OSBPL8: variants seen among roughly 807,000 people sequenced by gnomAD.
The protein encoded by OSBPL8 is oxysterol-binding protein-related protein 8.
OSBPL8 carries 59 observed loss-of-function variants against 125.5 expected under a neutral mutation model. That is an observed-to-expected ratio of 0.47 (90% CI 0.38 to 0.58). The LOEUF is 0.58. OSBPL8 is among the 20% of genes least tolerant of loss of function. OSBPL8 has a pLI of 0.00. For synonymous variants in OSBPL8, 330 were observed against 338.9 expected (o/e 0.97, Z 0.29); for missense variants, 758 against 1,047.8 (o/e 0.72, Z 3.82).
intron 1 of OSBPL8, among the ~76,000 whole-genome samples, chr12:76,551,036 G>A (rs1264014268): frequency 1.3e-5 from 2 of 152,018 alleles, no homozygotes; most frequent in African/African-American, 4.8e-5. Flanking sequence ...CAGGAGACAG[G>A]AGGAGACTCT....
intron 16 of OSBPL8, among the ~76,000 whole-genome samples, chr12:76,376,586 C>T (rs1952827043): frequency 6.6e-6 from 1 of 152,146 alleles, no homozygotes; most frequent in South Asian, 2.1e-4. Context: ...TGGATATCTA[C>T]ATGGAATATA....
rs1953886846 is a variant in OSBPL8, at chr12:76,398,000, T to A, written c.469-103A>T. On this transcript the variant is annotated intron_variant, in intron 7 of 23. Transcript: ENST00000261183. ...TTTAATCTAAAATTTCCATAACACG[T>A]ACACTTTAAATATTTTATTTAAAAG... is the stretch of plus-strand genomic sequence containing the variant. The A allele has an allele frequency of 3.2e-6, 3 of 927,870 alleles. No individual in the cohort carries two copies. In the South Asian group the frequency reaches 5.1e-5, roughly 16 times the overall value. 57.5% of individuals were successfully genotyped at this position (927,870 alleles called of 1,614,324 possible).
At chr12:76,539,797 G>C (rs1370900605) in intron 1 of OSBPL8, among the ~76,000 whole-genome samples, 1 of 152,172 alleles carries the variant, frequency 6.6e-6, no homozygotes, top group Non-Finnish European at 1.5e-5. Context: ...AAGATAGCAC[G>C]ATCCCTCAAA....
chr12:76,447,689 G>A (rs1393184192), intron 4 of OSBPL8, among the ~76,000 whole-genome samples: 1 of 152,058 alleles, frequency 6.6e-6, no homozygotes, highest in Non-Finnish European at 1.5e-5. Flanking sequence ...GATTACAGGT[G>A]CCCGCCACCA....
intron 1 of OSBPL8, among the ~76,000 whole-genome samples, chr12:76,497,824 A>G (rs948837665): frequency 2.0e-5 from 3 of 152,324 alleles, no homozygotes; most frequent in Admixed American, 6.5e-5. Flanking sequence ...AGACTCTTAT[A>G]TAACACTTCT....
chr12:76,415,687 C>T (rs139368931), intron 4 of OSBPL8, among the ~76,000 whole-genome samples: 4 of 152,264 alleles, frequency 2.6e-5, no homozygotes, highest in Non-Finnish European at 5.9e-5. Flanking sequence ...CAAAAGTTCA[C>T]AATATTCTCT....
At chr12:76,391,873 C>T (rs1466303073) in intron 10 of OSBPL8, among the ~76,000 whole-genome samples, 4 of 151,992 alleles carry the variant, frequency 2.6e-5, no homozygotes, top group Admixed American at 1.3e-4. Context: ...AGCAGTCTAA[C>T]TTTGAGAAGA....
chr12:76,505,040 C>G (rs554605208), intron 1 of OSBPL8, among the ~76,000 whole-genome samples: 1 of 152,238 alleles, frequency 6.6e-6, no homozygotes, highest in South Asian at 2.1e-4. Context: ...ATCCTGCCCA[C>G]CAAACTATTC....
chr12:76,465,388 G>A lies in OSBPL8; in HGVS notation c.43-5493C>T, dbSNP rs780151246. 1.7e-3 allele frequency among the ~76,000 whole-genome samples: 264 copies of A among 151,778 alleles called. 1 individual carries two copies. Among genetic ancestry groups the A allele is most frequent in the Non-Finnish European group, 1.7e-3 (118 of 67,918 alleles). On this transcript the variant is annotated intron_variant, in intron 2 of 23. Coordinates refer to ENST00000261183, the MANE Select transcript of OSBPL8 (RefSeq NM_020841.5). ...TTCCTGGCTAACAAGGTGAAACTCCGTCTCTACTAAAAATACAAAAAATTA... is the reference window on the plus strand; with the variant it reads ...TTCCTGGCTAACAAGGTGAAACTCCATCTCTACTAAAAATACAAAAAATTA...
At chr12:76,451,669 C>T (rs1408495089) in intron 3 of OSBPL8, among the ~76,000 whole-genome samples, 1 of 152,150 alleles carries the variant, frequency 6.6e-6, no homozygotes, top group East Asian at 1.9e-4. Flanking sequence ...ACCCATTTGG[C>T]CATCCTACTA....
chr12:76,549,273 TAGAC>T (rs1950871334), intron 1 of OSBPL8, among the ~76,000 whole-genome samples: 1 of 152,186 alleles, frequency 6.6e-6, no homozygotes. Flanking sequence ...ACTGAGTATC[TAGAC>T]AAACAGCCAA....
chr12:76,389,388 A>G (rs1953461364), intron 12 of OSBPL8, among the ~76,000 whole-genome samples: 1 of 152,170 alleles, frequency 6.6e-6, no homozygotes, highest in Non-Finnish European at 1.5e-5. Context: ...CTATAACGGC[A>G]GTGTTGTTGA....
At chr12:76,404,238 C>A (rs920130451) in intron 5 of OSBPL8, among the ~76,000 whole-genome samples, 2 of 152,136 alleles carry the variant, frequency 1.3e-5, no homozygotes, top group Admixed American at 6.5e-5. Flanking sequence ...CCTGGGAACA[C>A]AAAATGGCAT....
At chr12:76,394,789 TA>T (rs1953723252) in intron 8 of OSBPL8, 60 bp from the exon 9 acceptor site, 6 of 1,162,654 alleles carry the variant, frequency 5.2e-6, no homozygotes. Flanking sequence ...ATCTCATCTT[TA>T]CACTATCCAA....
At chr12:76,467,070 A>T (rs1308647589) in intron 2 of OSBPL8, among the ~76,000 whole-genome samples, 1 of 151,998 alleles carries the variant, frequency 6.6e-6, no homozygotes, top group Non-Finnish European at 1.5e-5. Flanking sequence ...TTCACACTTT[A>T]TATCCTTCCT....
At chr12:76,490,352 C>T (rs1463513426) in intron 1 of OSBPL8, among the ~76,000 whole-genome samples, 1 of 152,208 alleles carries the variant, frequency 6.6e-6, no homozygotes, top group African/African-American at 2.4e-5. Context: ...TTTTCCTAAA[C>T]CACCCATGGA....
At chr12:76,415,598 C>T (rs1360681143) in intron 4 of OSBPL8, among the ~76,000 whole-genome samples, 4 of 152,060 alleles carry the variant, frequency 2.6e-5, no homozygotes, top group Non-Finnish European at 4.4e-5. Flanking sequence ...TCAGATATTC[C>T]GTTTCTTTTA....
chr12:76,427,833 T>C (rs1870328999), intron 4 of OSBPL8, among the ~76,000 whole-genome samples: 1 of 152,216 alleles, frequency 6.6e-6, no homozygotes, highest in South Asian at 2.1e-4. Context: ...AAAGTGTTTT[T>C]CAGGATACAA....
At chr12:76,440,576 G>A (rs2136655761) in intron 4 of OSBPL8, among the ~76,000 whole-genome samples, 1 of 152,080 alleles carries the variant, frequency 6.6e-6, no homozygotes, top group Non-Finnish European at 1.5e-5. Flanking sequence ...TATGGATTTT[G>A]ACCCCAAACT....
Sources: allele counts gnomAD v4.1 joint callset (sites outside exome capture counted in the v4.1 genomes callset), GRCh38; gene constraint gnomAD v4.1.1; transcripts MANE v1.5; gene names NCBI Gene and HGNC (gene_info 2026-07-23, HGNC 2026-07-21).